The following INO80 variants were observed in gnomAD, a reference collection of about 807,000 sequenced individuals.
INO80 encodes chromatin-remodeling ATPase INO80.
INO80 carries 20 observed loss-of-function variants against 203.4 expected under a neutral mutation model. The ratio of observed to expected loss-of-function variants is 0.10; its 90% CI spans 0.07 to 0.14. INO80 has a LOEUF of 0.14. INO80 is among the 10% of genes least tolerant of loss of function. INO80 has a pLI of 1.00. For missense variants in INO80, 1,419 were observed against 1,914.4 expected, an observed-to-expected ratio of 0.74 and a Z score of 4.83; for synonymous variants, 726 against 685.2, an observed-to-expected ratio of 1.06 and a Z score of -0.93.
intron 29 of INO80, among the ~76,000 whole-genome samples, chr15:40,995,327 G>C (rs2043867646): frequency 6.6e-6 from 1 of 152,196 alleles, no homozygotes. Context: ...GGTGGAAGAG[G>C]AGACTCATGG....
intron 5 of INO80, among the ~76,000 whole-genome samples, chr15:41,090,754 A>G (rs2045626355): frequency 6.6e-6 from 1 of 152,018 alleles, no homozygotes; most frequent in Non-Finnish European, 1.5e-5. Flanking sequence ...TGAATTGCAC[A>G]CTATATAAGG....
intron 14 of INO80, among the ~76,000 whole-genome samples, chr15:41,068,616 C>T (rs368159902): frequency 1.1e-4 from 17 of 149,928 alleles, no homozygotes; most frequent in African/African-American, 3.7e-4. Flanking sequence ...CTTGCGTTTT[C>T]GGAGGCCCAG....
rs542694485 is a variant in INO80, at chr15:40,984,410, G to A, written c.3922-58C>T. On this transcript the variant is annotated intron_variant, in intron 32 of 35. Transcript: ENST00000648947. ...TGAGGATGCACCCCAAAAGAAAAGC[G>A]GGATTTGGGAAGAAAAGGATAACAG... is the stretch of plus-strand genomic sequence containing the variant. 20 of 1,505,858 alleles carry A rather than the reference G, an allele frequency of 1.3e-5. No homozygotes were observed. The East Asian group carries it at 3.0e-4, about 22-fold the overall frequency. 93.3% of individuals were successfully genotyped at this position (1,505,858 alleles called of 1,614,324 possible).
At chr15:41,103,856 G>T (rs1019989357) in intron 1 of INO80, among the ~76,000 whole-genome samples, 19 of 152,190 alleles carry the variant, frequency 1.2e-4, no homozygotes, top group African/African-American at 4.6e-4. Flanking sequence ...CAAATTAAGA[G>T]TTCCTTTAAA....
At chr15:41,041,779 T>C (rs1433957751) in intron 24 of INO80, among the ~76,000 whole-genome samples, 1 of 151,948 alleles carries the variant, frequency 6.6e-6, no homozygotes, top group Non-Finnish European at 1.5e-5. Context: ...TAGGCTAACC[T>C]TTAAGAGTGG....
chr15:41,007,168 CTTTT>C, intron 27 of INO80, among the ~76,000 whole-genome samples: 1 of 128,578 alleles, frequency 7.8e-6, no homozygotes, highest in African/African-American at 2.8e-5. Flanking sequence ...CACAGGCACT[CTTTT>C]TTTTTTTTTC....
At chr15:40,992,199 T>A (rs2043825591) in intron 29 of INO80, among the ~76,000 whole-genome samples, 1 of 152,226 alleles carries the variant, frequency 6.6e-6, no homozygotes, top group African/African-American at 2.4e-5. Context: ...AGCTGTCCTG[T>A]GAGACAGGAC....
intron 11 of INO80, among the ~76,000 whole-genome samples, chr15:41,072,637 G>A (rs1330710383): frequency 2.8e-5 from 3 of 106,554 alleles, no homozygotes; most frequent in South Asian, 5.5e-4. Context: ...CAAGACTCCC[G>A]CCTCAAAAAA....
chr15:41,034,436 G>A (rs1361193788), intron 24 of INO80, among the ~76,000 whole-genome samples: 3 of 152,134 alleles, frequency 2.0e-5, no homozygotes, highest in Non-Finnish European at 2.9e-5. Flanking sequence ...ATGACAACAT[G>A]TAGCTAAGTG....
intron 26 of INO80, among the ~76,000 whole-genome samples, chr15:41,019,874 G>A (rs1376909127): frequency 6.6e-6 from 1 of 152,214 alleles, no homozygotes; most frequent in Non-Finnish European, 1.5e-5. Context: ...AGAGACAGAA[G>A]AAGACCTCTG....
intron 8 of INO80, 99 bp from the exon 9 acceptor site, chr15:41,080,003 A>C: frequency 9.8e-7 from 1 of 1,024,024 alleles, no homozygotes; most frequent in Non-Finnish European, 1.5e-6. Context: ...GTTCAGCCAA[A>C]CTGTCATCCT....
At chr15:41,093,144 C>T (rs956239552) in intron 4 of INO80, among the ~76,000 whole-genome samples, 9 of 151,606 alleles carry the variant, frequency 5.9e-5, no homozygotes, top group African/African-American at 1.9e-4. Flanking sequence ...GAGTGACTAC[C>T]GGCCGGGCTC....
At chr15:40,989,171 C>G (rs1204973900) in intron 29 of INO80, among the ~76,000 whole-genome samples, 1 of 152,164 alleles carries the variant, frequency 6.6e-6, no homozygotes, top group Non-Finnish European at 1.5e-5. Flanking sequence ...AAGAGAGAAA[C>G]TCTGTCACAA....
chr15:41,043,656 T>G (rs913712248), intron 24 of INO80, among the ~76,000 whole-genome samples: 1 of 152,200 alleles, frequency 6.6e-6, no homozygotes, highest in Non-Finnish European at 1.5e-5. Context: ...ACATTTTCTA[T>G]AGGATACAAG....
chr15:41,060,780 T>C (rs2045090462), intron 14 of INO80, among the ~76,000 whole-genome samples: 1 of 151,990 alleles, frequency 6.6e-6, no homozygotes, highest in African/African-American at 2.4e-5. Flanking sequence ...CTTTGAATAA[T>C]TTGCATCCCC....
At chr15:41,060,665 G>T (rs565037683) in intron 14 of INO80, among the ~76,000 whole-genome samples, 1 of 152,244 alleles carries the variant, frequency 6.6e-6, no homozygotes, top group South Asian at 2.1e-4. Context: ...GAAGTCAAAG[G>T]CTACAAGGTA....
intron 25 of INO80, among the ~76,000 whole-genome samples, chr15:41,022,008 ATC>A (rs2044301605): frequency 6.6e-6 from 1 of 152,256 alleles, no homozygotes; most frequent in Non-Finnish European, 1.5e-5. Context: ...GGCTGTGATT[ATC>A]TGTCAAGCCC....
At chr15:41,045,569 G>T (rs1300037134) in intron 23 of INO80, among the ~76,000 whole-genome samples, 1 of 114,138 alleles carries the variant, frequency 8.8e-6, no homozygotes, top group African/African-American at 3.5e-5. Flanking sequence ...GCGACAGAGC[G>T]AGACTCTGTC....
At chr15:41,021,398 A>G (rs1180830501) in intron 25 of INO80, among the ~76,000 whole-genome samples, 3 of 152,238 alleles carry the variant, frequency 2.0e-5, no homozygotes, top group African/African-American at 7.2e-5. Context: ...CAGGTCAGCA[A>G]TAACTCTATT....
Sources: gnomAD v4.1 joint callset for allele counts (sites outside exome capture counted in the v4.1 genomes callset) on GRCh38, gnomAD v4.1.1 for gene constraint, MANE v1.5 for transcripts, NCBI Gene and HGNC (gene_info 2026-07-23, HGNC 2026-07-21) for gene names.